The following WDR1 variants were observed in gnomAD, a reference collection of about 807,000 sequenced individuals.
The protein encoded by WDR1 is WD repeat-containing protein 1.
Under a neutral mutation model 71.9 loss-of-function variants are expected in WDR1, and 21 were observed. The ratio of observed to expected loss-of-function variants is 0.29; its 90% CI spans 0.21 to 0.42. The LOEUF is 0.42. WDR1 is among the 10% of genes least tolerant of loss of function. The pLI, the probability that WDR1 is intolerant of heterozygous loss-of-function variation, is 1.00. For missense variants in WDR1, 696 were observed against 824.5 expected (o/e 0.84, Z 1.91); for synonymous variants, 424 against 347.4 (o/e 1.22, Z -2.45).
At chr4:10,105,516 A>G (rs1712962651) in intron 2 of WDR1, among the ~76,000 whole-genome samples, 1 of 152,250 alleles carries the variant, frequency 6.6e-6, no homozygotes, top group South Asian at 2.1e-4. Context: ...AAGCACATGA[A>G]AAAGCGCTCA....
At chr4:10,084,064 C>T (rs1765113538) in intron 9 of WDR1, among the ~76,000 whole-genome samples, 1 of 152,164 alleles carries the variant, frequency 6.6e-6, no homozygotes, top group Non-Finnish European at 1.5e-5. Flanking sequence ...CTTGTGAATT[C>T]TAGGAATCAA....
Position 10,108,715 on chromosome 4 carries a change from C to T in WDR1, c.139-4729G>A, listed in dbSNP as rs542819022. ...TGAATGACAGCAAAAAACCTCAGCT[C>T]CAAAGCAGGAATGTAAACTTCTGCG... On this transcript the variant is annotated intron_variant, in intron 2 of 14. Coordinates refer to ENST00000499869, the MANE Select transcript of WDR1 (RefSeq NM_017491.5). Among the ~76,000 whole-genome samples, 34 of 152,358 alleles carry T rather than the reference C, an allele frequency of 2.2e-4. No individual in the cohort carries two copies. The South Asian group carries it at 6.4e-3, about 29-fold the overall frequency.
At chr4:10,081,521 A>G (rs111817794) in intron 10 of WDR1, 77 bp from the exon 11 acceptor site, 58 of 1,404,586 alleles carry the variant, frequency 4.1e-5, no homozygotes, top group South Asian at 3.6e-4. Context: ...TTTACTGTTA[A>G]ACCACAGTTT....
chr4:10,104,230 A>G (rs1712888722), intron 2 of WDR1, among the ~76,000 whole-genome samples: 1 of 152,172 alleles, frequency 6.6e-6, no homozygotes, highest in Non-Finnish European at 1.5e-5. Flanking sequence ...CAACAAGGTG[A>G]TTTTTTTCCT....
intron 3 of WDR1, among the ~76,000 whole-genome samples, 182 bp downstream of exon 3, chr4:10,103,710 ATTCC>A (rs1712843213): frequency 6.6e-6 from 1 of 152,190 alleles, no homozygotes; most frequent in South Asian, 2.1e-4. Flanking sequence ...TGGCTTACAC[ATTCC>A]TTGTCAGCCT....
Position 10,084,497 on chromosome 4 carries a change from G to A in WDR1, c.985C>T (p.His329Tyr), listed in dbSNP as rs897476879. 83 of 1,613,718 alleles carry A rather than the reference G, an allele frequency of 5.1e-5. No individual in the cohort carries two copies. Among genetic ancestry groups the A allele is most frequent in the Non-Finnish European group, 7.0e-5 (82 of 1,179,778 alleles). The change falls in exon 9 of 15, where the codon CAT (histidine) becomes TAT (tyrosine). Residue 329 changes from histidine to tyrosine, a missense_variant. Coordinates refer to ENST00000499869, the MANE Select transcript of WDR1 (RefSeq NM_017491.5). ...HSKSIQCLTV[H>Y]KNGGKSYIYS... ...ATGTAGGACTTGCCGCCGTTTTTAT[G>A]CACCGTCAGACACTGGATCGATTTA...
rs527830497 is a variant in WDR1 at position 10,095,758 on chromosome 4, G to A, written c.558+1953C>T. 3.3e-5 allele frequency among the ~76,000 whole-genome samples: 5 copies of A among 152,358 alleles called. No homozygotes were observed. The South Asian group carries it at 6.2e-4, about 19-fold the overall frequency. On this transcript the variant is annotated intron_variant, in intron 5 of 14. Coordinates refer to ENST00000499869, the MANE Select transcript of WDR1 (RefSeq NM_017491.5). Reference sequence around the variant, plus strand: ...CCTCTCACACCCTCCCTGTGGCTGAGGGTGCAGCACGCAAGGGTCACTGTC... The same window carrying A: ...CCTCTCACACCCTCCCTGTGGCTGAAGGTGCAGCACGCAAGGGTCACTGTC...
At chr4:10,107,516 G>A (rs947208018) in intron 2 of WDR1, among the ~76,000 whole-genome samples, 9 of 152,198 alleles carry the variant, frequency 5.9e-5, no homozygotes, top group Admixed American at 2.6e-4. Flanking sequence ...CCCTGCTGCC[G>A]CCCTGACGTT....
Position 10,097,721 on chromosome 4 carries a change from A to G in WDR1, c.548T>C (p.Phe183Ser), listed in dbSNP as rs770720018. 1 of 1,607,884 alleles carries G rather than the reference A, an allele frequency of 6.2e-7. No individual in the cohort carries two copies. The highest frequency in any genetic ancestry group is 8.5e-7 in the Non-Finnish European group (1 of 1,175,964). ...FFEGPPFKFK[F>S]TIGDHSRFVN... ...AGTAAGTTCACTTACGCCAATTGTG[A>G]ACTTGAACTTGAATGGGGGTCCCTC... The change falls in exon 5 of 15, where the codon TTC becomes TCC. Residue 183 changes from phenylalanine (F) to serine (S), a missense_variant. Coordinates refer to ENST00000499869, the MANE Select transcript of WDR1 (RefSeq NM_017491.5).
Position 10,081,666 on chromosome 4 carries a change from G to T in WDR1, c.1197-222C>A, listed in dbSNP as rs1331892690. 3.3e-3 allele frequency among the ~76,000 whole-genome samples: 434 copies of T among 132,950 alleles called. 4 individuals are homozygous for T. Among genetic ancestry groups the T allele is most frequent in the African/African-American group, 0.012 (418 of 34,580 alleles). 87.2% of individuals were successfully genotyped at this position (132,950 alleles called of 152,430 possible). On this transcript the variant is annotated intron_variant, in intron 10 of 14. Transcript: ENST00000499869. ...ATAATGGGGGCCCGGGGAGGGGTGG[G>T]GGGGGGGGAAGGAGGGGCGGGAGGC...
chr4:10,115,967 C>G, intron 2 of WDR1, 146 bp downstream of exon 2: 1 of 1,129,628 alleles, frequency 8.9e-7, no homozygotes, highest in South Asian at 1.6e-5. Flanking sequence ...TCCGGGGCTC[C>G]GAGGTGTGGC....
chr4:10,108,617 C>T lies in WDR1; in HGVS notation c.139-4631G>A, dbSNP rs980339658. 2.6e-5 allele frequency among the ~76,000 whole-genome samples: 4 copies of T among 152,230 alleles called. No individual in the cohort carries two copies. The East Asian group carries it at 7.7e-4, about 29-fold the overall frequency. ...CAACAGAGGCTGAAAGCTGTTACTGCTGTAACTGACCTGTGCAAATATAAC... is the reference window on the plus strand; with the variant it reads ...CAACAGAGGCTGAAAGCTGTTACTGTTGTAACTGACCTGTGCAAATATAAC... On this transcript the variant is annotated intron_variant, in intron 2 of 14. Coordinates refer to ENST00000499869, the MANE Select transcript of WDR1 (RefSeq NM_017491.5).
chr4:10,105,912 G>A (rs533823752), intron 2 of WDR1, among the ~76,000 whole-genome samples: 27 of 152,298 alleles, frequency 1.8e-4, no homozygotes, highest in Middle Eastern at 3.4e-3. Flanking sequence ...GCAACACACC[G>A]CACTGCTTAG....
Position 10,087,783 on chromosome 4 carries a change from A to T in WDR1, c.875T>A (p.Leu292Gln). The change falls in exon 8 of 15, where the codon CTG becomes CAG. Residue 292 changes from leucine to glutamine, a missense_variant. Coordinates refer to ENST00000499869, the MANE Select transcript of WDR1 (RefSeq NM_017491.5). ...QLGCLWQKDH[L>Q]LSVSLSGYIN... Reference sequence around the variant, plus strand: ...GTACCCGGACAGGGAGACACTGAGCAGGTGGTCCTTCTGCCATAGGCAGCC... The same window carrying T: ...GTACCCGGACAGGGAGACACTGAGCTGGTGGTCCTTCTGCCATAGGCAGCC... 1.2e-6 allele frequency: 2 copies of T among 1,600,386 alleles called. No individual in the cohort carries two copies. Among genetic ancestry groups the T allele is most frequent in the Non-Finnish European group, 1.7e-6 (2 of 1,173,138 alleles).
chr4:10,083,350 G>A (rs1276623264), intron 9 of WDR1, among the ~76,000 whole-genome samples, 172 bp from the exon 10 acceptor site: 2 of 152,116 alleles, frequency 1.3e-5, no homozygotes, highest in African/African-American at 4.8e-5. Flanking sequence ...TTCTTAGGAA[G>A]GGGTATCTGA....
chr4:10,079,057 C>G, intron 11 of WDR1, 56 bp from the exon 12 acceptor site: 1 of 1,443,562 alleles, frequency 6.9e-7, no homozygotes, highest in South Asian at 1.3e-5. Context: ...ACAAAACCCT[C>G]AGTGGTAGGA....
intron 7 of WDR1, 62 bp from the exon 8 acceptor site, chr4:10,088,002 A>G (rs1711697939): frequency 1.4e-6 from 2 of 1,450,110 alleles, no homozygotes; most frequent in South Asian, 1.4e-5. Flanking sequence ...GAGACCCCAA[A>G]AAGCAGCTTG....
chr4:10,097,610 G>C, intron 5 of WDR1, 101 bp downstream of exon 5: 1 of 1,357,770 alleles, frequency 7.4e-7, no homozygotes, highest in Non-Finnish European at 1.0e-6. Flanking sequence ...TGGCATACGT[G>C]GCATGTGCTG....
intron 1 of WDR1, 94 bp from the exon 2 acceptor site, chr4:10,116,328 C>T (rs1291048398): frequency 3.3e-6 from 5 of 1,538,106 alleles, no homozygotes; most frequent in Non-Finnish European, 3.5e-6. Flanking sequence ...CTCGGCCGGT[C>T]ACCTGTTGAC....
Sources: allele counts gnomAD v4.1 joint callset (sites outside exome capture counted in the v4.1 genomes callset), GRCh38; gene constraint gnomAD v4.1.1; transcripts MANE v1.5; gene names NCBI Gene and HGNC (gene_info 2026-07-23, HGNC 2026-07-21).